Variants in RALYL observed in about 807,000 individuals in gnomAD.
RALYL encodes RNA-binding Raly-like protein.
In RALYL, 29 loss-of-function variants were observed where a neutral mutation model predicts 35.1. The observed-to-expected ratio is 0.83, with a 90% CI of 0.61 to 1.13. The LOEUF is 1.13. Ranked by LOEUF, RALYL falls within the 50% of genes most tolerant of loss-of-function variation. RALYL has a pLI of 0.00. For missense variants in RALYL, 359 were observed against 360.4 expected, an observed-to-expected ratio of 1.00 and a Z score of 0.03; for synonymous variants, 120 against 127.6, an observed-to-expected ratio of 0.94 and a Z score of 0.40.
intron 1 of RALYL, among the ~76,000 whole-genome samples, chr8:84,229,070 G>A: frequency 6.6e-6 from 1 of 152,094 alleles, no homozygotes; most frequent in East Asian, 1.9e-4. Flanking sequence ...AGCTTTTTAT[G>A]GAATTTCATC....
At chr8:84,580,097 TTTGA>T (rs1426545352) in intron 2 of RALYL, among the ~76,000 whole-genome samples, 2 of 152,332 alleles carry the variant, frequency 1.3e-5, no homozygotes, top group African/African-American at 4.8e-5. Flanking sequence ...CACATCTCTA[TTTGA>T]TTGATAGCCA....
At position 84,705,998 on chromosome 8, in the gene RALYL, T is replaced by G. The variant is rs916118650; in HGVS notation, c.257-68581T>G. 3.9e-6 allele frequency: 6 copies of G among 1,535,062 alleles called. No homozygotes were observed. The South Asian group carries it at 4.8e-5, about 12-fold the overall frequency. ...TGTCTCCGTGGTCAAATCAATTACTTCTTAGAAAGTCTAATTTTTTTCAAA... is the reference window on the plus strand; with the variant it reads ...TGTCTCCGTGGTCAAATCAATTACTGCTTAGAAAGTCTAATTTTTTTCAAA... On this transcript the variant is annotated intron_variant, in intron 2 of 8. Transcript: ENST00000521268.
intron 1 of RALYL, among the ~76,000 whole-genome samples, chr8:84,433,055 A>C (rs180752128): frequency 6.6e-6 from 1 of 152,174 alleles, no homozygotes; most frequent in Admixed American, 6.6e-5. Context: ...ATTGCTCAAA[A>C]GCGATTGTTC....
intron 2 of RALYL, among the ~76,000 whole-genome samples, chr8:84,765,431 C>T (rs1427652081): frequency 6.6e-6 from 1 of 152,134 alleles, no homozygotes; most frequent in Admixed American, 6.6e-5. Flanking sequence ...CAATGCTTGG[C>T]ACGTGGGCTT....
At chr8:84,203,348 T>C (rs1283862922) in intron 1 of RALYL, among the ~76,000 whole-genome samples, 3 of 152,038 alleles carry the variant, frequency 2.0e-5, no homozygotes, top group Non-Finnish European at 4.4e-5. Flanking sequence ...AAGAAAATGA[T>C]AAATTTTCCC....
chr8:84,568,039 GT>G (rs541180970), intron 2 of RALYL, among the ~76,000 whole-genome samples: 2 of 150,144 alleles, frequency 1.3e-5, no homozygotes, highest in Non-Finnish European at 3.0e-5. Context: ...CCTTTTCCCA[GT>G]TTTTTTTTAA....
intron 3 of RALYL, among the ~76,000 whole-genome samples, chr8:84,785,274 G>C (rs2133775731): frequency 6.6e-6 from 1 of 152,188 alleles, no homozygotes; most frequent in African/African-American, 2.4e-5. Flanking sequence ...AGATTTCAGT[G>C]TTCATTAGAA....
intron 1 of RALYL, among the ~76,000 whole-genome samples, chr8:84,221,625 A>G (rs17709095): frequency 0.39 from 59,822 of 151,902 alleles, 11,924 homozygotes; most frequent in Non-Finnish European, 0.43. Context: ...CTGTATGTCA[A>G]ATATTCACAG....
Position 84,393,983 on chromosome 8 carries a change from T to A in RALYL, c.-23-135316T>A, listed in dbSNP as rs192863988. Among the ~76,000 whole-genome samples the A allele has an allele frequency of 1.5e-3, 228 of 152,248 alleles. 2 individuals carry two copies. The highest frequency in any genetic ancestry group is 4.5e-3 in the African/African-American group (185 of 41,570). ...TGAATTTTCCTGTTGTTGAAATTAG[T>A]TTACCAACTTGGAACTTATTAATCA... On this transcript the variant is annotated intron_variant, in intron 1 of 8. Coordinates refer to ENST00000521268, the MANE Select transcript of RALYL (RefSeq NM_173848.7).
intron 1 of RALYL, among the ~76,000 whole-genome samples, chr8:84,344,683 AC>A (rs1316512175): frequency 1.3e-5 from 2 of 152,006 alleles, no homozygotes; most frequent in Non-Finnish European, 2.9e-5. Context: ...GCAACTTTCC[AC>A]CCTTTGATAA....
rs1223634961 is a variant in RALYL, at chr8:84,411,560, A to G, written c.-23-117739A>G. 2.0e-5 allele frequency among the ~76,000 whole-genome samples: 3 copies of G among 151,854 alleles called. No homozygotes were observed. The East Asian group carries it at 5.8e-4, about 29-fold the overall frequency. On this transcript the variant is annotated intron_variant, in intron 1 of 8. Coordinates refer to ENST00000521268, the MANE Select transcript of RALYL (RefSeq NM_173848.7). ...GTTCCCTTCAACAGTTTTCAACCAA[A>G]CATCTGTCTTCAAGTTACATCTTCA... is the stretch of plus-strand genomic sequence containing the variant.
At chr8:84,798,083 T>G (rs1822358379) in intron 3 of RALYL, among the ~76,000 whole-genome samples, 1 of 152,204 alleles carries the variant, frequency 6.6e-6, no homozygotes, top group Non-Finnish European at 1.5e-5. Flanking sequence ...TCTTTTCTTC[T>G]TATTCTTCAC....
In RALYL at chr8:84,698,872, G is replaced by C. The variant is rs199868782; in HGVS notation, c.257-75707G>C. The stretch of plus-strand genomic sequence containing the variant: ...TCCCCACCATTGTCCTGAGTCTTCT[G>C]TGCTTGGTTAAGAATTTTCTCTAGC... On this transcript the variant is annotated intron_variant, in intron 2 of 8. Transcript: ENST00000521268. Among the ~76,000 whole-genome samples, 3 of 152,250 alleles carry C rather than the reference G, an allele frequency of 2.0e-5. No individual in the cohort carries two copies. In the East Asian group the frequency reaches 5.8e-4, roughly 29 times the overall value.
rs1425858743 is a variant in RALYL, at chr8:84,767,285, A to G, written c.257-7294A>G. Among the ~76,000 whole-genome samples, 5 of 152,162 alleles carry G rather than the reference A, an allele frequency of 3.3e-5. No homozygotes were observed. The East Asian group carries it at 9.6e-4, about 29-fold the overall frequency. On this transcript the variant is annotated intron_variant, in intron 2 of 8. Coordinates refer to ENST00000521268, the MANE Select transcript of RALYL (RefSeq NM_173848.7). ...TTCAGTTCCATAAGTTTATAGTTAT[A>G]TCTGTCACGGCATCATGGTATTGCT...
At chr8:84,900,691 A>C (rs915437050) in intron 8 of RALYL, among the ~76,000 whole-genome samples, 1 of 152,122 alleles carries the variant, frequency 6.6e-6, no homozygotes, top group Non-Finnish European at 1.5e-5. Context: ...AAAAAAAAAA[A>C]ATTCTCCCTA....
chr8:84,804,888 C>T (rs1824224221), intron 4 of RALYL, 86 bp downstream of exon 4: 6 of 707,742 alleles, frequency 8.5e-6, no homozygotes, highest in Non-Finnish European at 1.1e-5. Flanking sequence ...AGTCATTTAA[C>T]ATCATATTCA....
chr8:84,475,578 A>G (rs2053301689), intron 1 of RALYL, among the ~76,000 whole-genome samples: 1 of 152,250 alleles, frequency 6.6e-6, no homozygotes, highest in African/African-American at 2.4e-5. Context: ...GTGTTTAGAC[A>G]TACACCAAAG....
intron 1 of RALYL, among the ~76,000 whole-genome samples, chr8:84,375,384 TAG>T (rs1452727666): frequency 9.2e-5 from 14 of 151,948 alleles, no homozygotes; most frequent in Non-Finnish European, 1.9e-4. Flanking sequence ...TCTTAAAGTT[TAG>T]AGTTATCACT....
intron 2 of RALYL, among the ~76,000 whole-genome samples, chr8:84,745,537 C>A (rs1190230972): frequency 1.3e-5 from 2 of 151,940 alleles, no homozygotes; most frequent in Non-Finnish European, 2.9e-5. Context: ...TCTATTGATT[C>A]ACAGTGCAAA....
Sources: gnomAD v4.1 joint callset for allele counts (sites outside exome capture counted in the v4.1 genomes callset) on GRCh38, gnomAD v4.1.1 for gene constraint, MANE v1.5 for transcripts, NCBI Gene and HGNC (gene_info 2026-07-23, HGNC 2026-07-21) for gene names.